CCBE1: variants seen among roughly 807,000 people sequenced by gnomAD.
The protein encoded by CCBE1 is collagen and calcium-binding EGF domain-containing protein 1.
CCBE1 carries 37 observed loss-of-function variants against 50.0 expected under a neutral mutation model. That is an observed-to-expected ratio of 0.74 (90% confidence interval 0.57 to 0.97). The LOEUF (loss-of-function observed/expected upper bound fraction) is 0.97, where lower values mean the gene tolerates loss of function less well. CCBE1 is among the 50% of genes least tolerant of loss of function. The pLI is 0.00. For synonymous variants in CCBE1, 234 were observed against 203.7 expected (o/e 1.15, Z -1.27); for missense variants, 538 against 523.8 (o/e 1.03, Z -0.26).
intron 2 of CCBE1, among the ~76,000 whole-genome samples, chr18:59,537,869 C>T (rs537597827): frequency 4.6e-5 from 7 of 152,322 alleles, no homozygotes; most frequent in African/African-American, 1.7e-4. Context: ...AGTCACTTAA[C>T]CTCTTGCATG....
At chr18:59,581,160 C>T (rs191951999) in intron 2 of CCBE1, among the ~76,000 whole-genome samples, 73 of 152,204 alleles carry the variant, frequency 4.8e-4, no homozygotes, top group East Asian at 4.4e-3. Context: ...AAGGCACTCC[C>T]ACTCATGTGG....
chr18:59,641,014 C>G (rs998899747), intron 2 of CCBE1, among the ~76,000 whole-genome samples: 1 of 152,152 alleles, frequency 6.6e-6, no homozygotes, highest in African/African-American at 2.4e-5. Context: ...AGGGAACGCT[C>G]CTACACTGCT....
intron 2 of CCBE1, among the ~76,000 whole-genome samples, chr18:59,515,416 G>C (rs1041153969): frequency 6.6e-6 from 1 of 152,176 alleles, no homozygotes; most frequent in African/African-American, 2.4e-5. Context: ...ATGGCCTTCA[G>C]CTGCAATGTG....
At chr18:59,644,964 C>T (rs529118421) in intron 2 of CCBE1, among the ~76,000 whole-genome samples, 14 of 152,258 alleles carry the variant, frequency 9.2e-5, no homozygotes, top group South Asian at 2.1e-4. Context: ...CCCATCAAAA[C>T]GCTACCCTTG....
At chr18:59,456,505 C>CA (rs1911201216) in intron 5 of CCBE1, among the ~76,000 whole-genome samples, 1 of 152,072 alleles carries the variant, frequency 6.6e-6, no homozygotes, top group African/African-American at 2.4e-5. Context: ...CAAGGAACAC[C>CA]AAAAATTGCC....
chr18:59,475,211 T>C (rs998673411), intron 3 of CCBE1, among the ~76,000 whole-genome samples: 2 of 152,212 alleles, frequency 1.3e-5, no homozygotes, highest in Admixed American at 1.3e-4. Context: ...GAAACTCCCT[T>C]GTAAACAAGA....
At chr18:59,477,386 G>A (rs560829059) in intron 3 of CCBE1, among the ~76,000 whole-genome samples, 9 of 152,224 alleles carry the variant, frequency 5.9e-5, no homozygotes, top group Non-Finnish European at 1.2e-4. Flanking sequence ...ACGATCAGGC[G>A]AGGTGCTTGC....
intron 2 of CCBE1, among the ~76,000 whole-genome samples, chr18:59,669,838 C>G (rs957547514): frequency 6.6e-6 from 1 of 152,214 alleles, no homozygotes; most frequent in Non-Finnish European, 1.5e-5. Flanking sequence ...ATCTGGCTTG[C>G]ATTTCCATGG....
chr18:59,443,420 G>A (rs1475388689), intron 7 of CCBE1, among the ~76,000 whole-genome samples: 3 of 151,854 alleles, frequency 2.0e-5, no homozygotes, highest in African/African-American at 7.3e-5. Flanking sequence ...GTGGGGGCCT[G>A]ACAAGCATTT....
intron 2 of CCBE1, among the ~76,000 whole-genome samples, chr18:59,574,351 C>T (rs2052959927): frequency 6.6e-6 from 1 of 152,172 alleles, no homozygotes. Context: ...GAAATGTAAG[C>T]TCACAGTTGT....
At chr18:59,502,707 C>T (rs184312133) in intron 2 of CCBE1, among the ~76,000 whole-genome samples, 1 of 152,050 alleles carries the variant, frequency 6.6e-6, no homozygotes, top group East Asian at 1.9e-4. Context: ...AAAAAAAAGG[C>T]ACAGCAGATA....
Position 59,595,044 on chromosome 18 carries a change from G to A in CCBE1, c.212+101585C>T, listed in dbSNP as rs28379998. Among the ~76,000 whole-genome samples the A allele has an allele frequency of 8.9e-3, 1,348 of 151,110 alleles. 25 individuals carry two copies. The highest frequency in any genetic ancestry group is 0.032 in the African/African-American group (1,306 of 40,844). On this transcript the variant is annotated intron_variant, in intron 2 of 10. Coordinates refer to ENST00000439986, the MANE Select transcript of CCBE1 (RefSeq NM_133459.4). ...GGAGAATCCCTTGAACCCGGGAGAT[G>A]GAGGTTGCAGTGAGCGGAGAATTTG...
chr18:59,433,018 A>G lies in CCBE1; in HGVS notation c.*2890T>C, dbSNP rs1037169378. The G allele has an allele frequency of 6.6e-6, 1 of 152,056 alleles. No individual in the cohort carries two copies. The highest frequency in any genetic ancestry group is 1.5e-5 in the Non-Finnish European group (1 of 68,014). The allele number at this position is 152,056 out of a possible 1,614,324, so 9.4% of individuals were successfully genotyped here. ...TACCATGCTCCACAAGCAGGCAAACATTAAATATATTCCAGATGGGAATCA... is the reference window on the plus strand; with the variant it reads ...TACCATGCTCCACAAGCAGGCAAACGTTAAATATATTCCAGATGGGAATCA... On this transcript the variant is annotated 3_prime_UTR_variant, in exon 11 of 11. Transcript: ENST00000439986.
intron 2 of CCBE1, among the ~76,000 whole-genome samples, chr18:59,537,008 A>AAT (rs1915278768): frequency 6.6e-6 from 1 of 151,134 alleles, no homozygotes; most frequent in Admixed American, 6.6e-5. Context: ...AAAAAAAAAA[A>AAT]TGGATGTTTT....
At chr18:59,694,602 CCAA>C (rs201836419) in intron 2 of CCBE1, among the ~76,000 whole-genome samples, 11,931 of 152,230 alleles carry the variant, frequency 0.078, 681 homozygotes, top group South Asian at 0.21. Context: ...GCCCAGGATT[CCAA>C]CAAGCTCCCA....
At chr18:59,448,242 G>A (rs780165782) in intron 6 of CCBE1, 139 bp from the exon 7 acceptor site, 50 of 1,287,760 alleles carry the variant, frequency 3.9e-5, no homozygotes, top group Non-Finnish European at 4.9e-5. Flanking sequence ...AGAGCTCAGA[G>A]AAACTATAAA....
chr18:59,659,307 T>TTC (rs1555704996), intron 2 of CCBE1, among the ~76,000 whole-genome samples: 29 of 151,912 alleles, frequency 1.9e-4, no homozygotes, highest in Non-Finnish European at 3.4e-4. Context: ...TTTTTTTTTT[T>TTC]CAAACAGCAA....
intron 2 of CCBE1, among the ~76,000 whole-genome samples, chr18:59,656,018 T>C (rs571225038): frequency 9.0e-4 from 137 of 152,300 alleles, no homozygotes; most frequent in African/African-American, 2.9e-3. Flanking sequence ...TCTGTGAATG[T>C]AGTGACCAGG....
chr18:59,657,774 C>T (rs1444133713), intron 2 of CCBE1, among the ~76,000 whole-genome samples: 1 of 152,164 alleles, frequency 6.6e-6, no homozygotes, highest in African/African-American at 2.4e-5. Flanking sequence ...CCTGTAATCT[C>T]AACTACTCAA....
Sources: gnomAD v4.1 joint callset for allele counts (sites outside exome capture counted in the v4.1 genomes callset) on GRCh38, gnomAD v4.1.1 for gene constraint, MANE v1.5 for transcripts, NCBI Gene and HGNC (gene_info 2026-07-23, HGNC 2026-07-21) for gene names.